Variants in GALNT14 observed in about 807,000 individuals in gnomAD.
The protein encoded by GALNT14 is polypeptide N-acetylgalactosaminyltransferase 14.
In GALNT14, 60 loss-of-function variants were observed where a neutral mutation model predicts 77.5. The ratio of observed to expected loss-of-function variants is 0.77; its 90% CI spans 0.63 to 0.96. GALNT14 has a LOEUF of 0.96. Among genes scored for constraint, GALNT14 ranks in the 40% least tolerant of loss-of-function variants. GALNT14 has a pLI of 0.00. For synonymous variants in GALNT14, 280 were observed against 281.7 expected (o/e 0.99, Z 0.06); for missense variants, 710 against 731.0 (o/e 0.97, Z 0.33).
At chr2:30,972,852 A>G (rs1295467612) in intron 2 of GALNT14, among the ~76,000 whole-genome samples, 1 of 152,144 alleles carries the variant, frequency 6.6e-6, no homozygotes, top group Non-Finnish European at 1.5e-5. Flanking sequence ...AAGATGGGAA[A>G]CCGCTGGTGG....
chr2:31,033,658 T>C (rs929564898), intron 1 of GALNT14, among the ~76,000 whole-genome samples: 1 of 152,120 alleles, frequency 6.6e-6, no homozygotes, highest in East Asian at 1.9e-4. Flanking sequence ...CTTCCCTCCC[T>C]GGCCTGCCTG....
chr2:31,098,568 T>C (rs1247859407), intron 1 of GALNT14, among the ~76,000 whole-genome samples: 1 of 152,178 alleles, frequency 6.6e-6, no homozygotes, highest in Admixed American at 6.6e-5. Flanking sequence ...ATTGTTAGTC[T>C]GTTGTATTAT....
chr2:30,929,595 G>A, intron 10 of GALNT14, 108 bp from the exon 11 acceptor site: 2 of 749,598 alleles, frequency 2.7e-6, no homozygotes, highest in Non-Finnish European at 2.3e-6. Flanking sequence ...ACACCACCTA[G>A]GTGGGGGCCA....
intron 1 of GALNT14, among the ~76,000 whole-genome samples, chr2:31,015,004 G>C (rs888140257): frequency 6.6e-6 from 1 of 152,140 alleles, no homozygotes; most frequent in Admixed American, 6.5e-5. Context: ...AGAGGCAGGA[G>C]CTTGGCCGGG....
At chr2:31,048,807 C>T (rs1268888379) in intron 1 of GALNT14, among the ~76,000 whole-genome samples, 4 of 152,132 alleles carry the variant, frequency 2.6e-5, no homozygotes, top group African/African-American at 7.2e-5. Flanking sequence ...GGTCAACTCC[C>T]TATCCCAAAC....
At chr2:30,973,227 G>A (rs12611843) in intron 2 of GALNT14, among the ~76,000 whole-genome samples, 3,553 of 152,284 alleles carry the variant, frequency 0.023, 144 homozygotes, top group East Asian at 0.21. Flanking sequence ...GATCCCAGGT[G>A]CAGGTGGCGT....
At chr2:30,911,311 T>C (rs1171354902) in intron 14 of GALNT14, among the ~76,000 whole-genome samples, 1 of 152,106 alleles carries the variant, frequency 6.6e-6, no homozygotes, top group Non-Finnish European at 1.5e-5. Context: ...AGGCAATAAC[T>C]TTCCAAGCAG....
chr2:31,078,828 G>C, intron 1 of GALNT14: 1 of 976,302 alleles, frequency 1.0e-6, no homozygotes. Context: ...CAAGGGGCGA[G>C]ATATAGGCCT....
At chr2:30,932,331 C>T (rs1665789115) in intron 9 of GALNT14, 137 bp from the exon 10 acceptor site, 1 of 763,188 alleles carries the variant, frequency 1.3e-6, no homozygotes. Context: ...GCTCCACTGG[C>T]TGAGAGACCT....
At chr2:31,123,328 G>T (rs896332258) in intron 1 of GALNT14, among the ~76,000 whole-genome samples, 1 of 151,988 alleles carries the variant, frequency 6.6e-6, no homozygotes, top group African/African-American at 2.4e-5. Context: ...TAGCTCACAG[G>T]CCATACAAAA....
chr2:30,983,425 T>G (rs1226964807), intron 2 of GALNT14, among the ~76,000 whole-genome samples: 1 of 152,234 alleles, frequency 6.6e-6, no homozygotes, highest in Non-Finnish European at 1.5e-5. Context: ...TTTTCCATCC[T>G]GGGCATTGAA....
chr2:30,983,116 C>A (rs1300111903), intron 2 of GALNT14, among the ~76,000 whole-genome samples: 3 of 152,144 alleles, frequency 2.0e-5, no homozygotes, highest in African/African-American at 7.2e-5. Context: ...CTTGGTGTTA[C>A]TGAAACCCTG....
intron 1 of GALNT14, among the ~76,000 whole-genome samples, chr2:31,064,726 TCC>T (rs1019206741): frequency 2.6e-5 from 4 of 151,838 alleles, no homozygotes; most frequent in African/African-American, 9.7e-5. Context: ...TAGCTCACCA[TCC>T]AAACACCACT....
At chr2:30,996,253 T>C (rs1285718723) in intron 1 of GALNT14, among the ~76,000 whole-genome samples, 2 of 152,194 alleles carry the variant, frequency 1.3e-5, no homozygotes, top group African/African-American at 4.8e-5. Context: ...GTTCAGGGAA[T>C]GGCTAACTGA....
chr2:30,982,003 G>T (rs995543081), intron 2 of GALNT14, among the ~76,000 whole-genome samples: 1 of 152,200 alleles, frequency 6.6e-6, no homozygotes, highest in Non-Finnish European at 1.5e-5. Flanking sequence ...AGGTTACTGA[G>T]GGGGGAACTG....
intron 1 of GALNT14, among the ~76,000 whole-genome samples, chr2:31,063,928 G>T (rs1418616859): frequency 3.3e-5 from 5 of 152,152 alleles, no homozygotes; most frequent in Non-Finnish European, 7.3e-5. Flanking sequence ...TAGTACCTAG[G>T]TATATAATTT....
Position 31,137,998 on chromosome 2 carries a change from T to A in GALNT14, c.89A>T (p.Lys30Met). Reference protein sequence around the residue: ...VLLFFWVTKRKLEVPTGPEVQ... With the variant: ...VLLFFWVTKRMLEVPTGPEVQ... Reference sequence around the variant, plus strand: ...TTCAGGTCCCGTCGGCACCTCCAACTTCCTCTTGGTTACCCAGAAGAACAG... The same window carrying A: ...TTCAGGTCCCGTCGGCACCTCCAACATCCTCTTGGTTACCCAGAAGAACAG... Residue 30 changes from lysine to methionine, a missense_variant, in exon 1 of 15, where the codon AAG becomes ATG. Lys to Met is a moderately conservative substitution (Grantham distance 95). Transcript: ENST00000349752. The A allele has an allele frequency of 6.2e-7, 1 of 1,613,658 alleles. No homozygotes were observed. The highest frequency in any genetic ancestry group is 1.3e-5 in the African/African-American group (1 of 75,004).
chr2:30,899,615 AT>A, the GALNT14 span, among the ~76,000 whole-genome samples: 1 of 150,582 alleles, frequency 6.6e-6, no homozygotes, highest in East Asian at 2.0e-4. Context: ...TATGTTTGTA[AT>A]TTTGTTTTAT....
intron 1 of GALNT14, among the ~76,000 whole-genome samples, chr2:31,133,383 T>C (rs1397061871): frequency 1.3e-5 from 2 of 152,280 alleles, no homozygotes; most frequent in East Asian, 1.9e-4. Context: ...AGAGAAATTA[T>C]CTACTAAATG....
Sources: allele counts gnomAD v4.1 joint callset (sites outside exome capture counted in the v4.1 genomes callset), GRCh38; gene constraint gnomAD v4.1.1; transcripts MANE v1.5; gene names NCBI Gene and HGNC (gene_info 2026-07-23, HGNC 2026-07-21).